The following FLRT2 variants were observed in gnomAD, a reference collection of about 807,000 sequenced individuals.
FLRT2 encodes the protein fibronectin leucine rich transmembrane protein 2, also known as leucine-rich repeat transmembrane protein FLRT2.
In FLRT2, 15 loss-of-function variants were observed where a neutral mutation model predicts 40.0. The observed-to-expected ratio is 0.38, with a 90% CI of 0.25 to 0.58. FLRT2 has a LOEUF of 0.58. Among genes scored for constraint, FLRT2 ranks in the 20% least tolerant of loss-of-function variants. The pLI is 0.71. For synonymous variants in FLRT2, 380 were observed against 336.8 expected, an observed-to-expected ratio of 1.13 and a Z score of -1.41; for missense variants, 726 against 840.0, an observed-to-expected ratio of 0.86 and a Z score of 1.68.
At chr14:85,560,014 C>T (rs1890208106) in intron 1 of FLRT2, among the ~76,000 whole-genome samples, 1 of 152,166 alleles carries the variant, frequency 6.6e-6, no homozygotes, top group Non-Finnish European at 1.5e-5. Context: ...AGAATTTCAA[C>T]AAATCTGTTA....
At chr14:85,531,218 A>T (rs916862217) in intron 1 of FLRT2, 1 of 152,452 alleles carries the variant, frequency 6.6e-6, no homozygotes, top group African/African-American at 2.4e-5. Flanking sequence ...CGGAATCCGG[A>T]TCGAGTGAGT....
At chr14:85,610,238 T>C (rs781734611) in intron 1 of FLRT2, among the ~76,000 whole-genome samples, 6 of 151,666 alleles carry the variant, frequency 4.0e-5, no homozygotes, top group East Asian at 3.9e-4. Context: ...AAAAAAAAAG[T>C]GTGGGGATGT....
chr14:85,598,930 T>TC (rs1179655747), intron 1 of FLRT2, among the ~76,000 whole-genome samples: 3 of 149,904 alleles, frequency 2.0e-5, no homozygotes, highest in African/African-American at 7.3e-5. Flanking sequence ...TTTTTTTTTT[T>TC]TTTTTGAGAC....
At chr14:85,578,953 C>T (rs751392598) in intron 1 of FLRT2, among the ~76,000 whole-genome samples, 1 of 152,340 alleles carries the variant, frequency 6.6e-6, no homozygotes, top group South Asian at 2.1e-4. Flanking sequence ...AAACACATCT[C>T]TCCCAGTTGG....
rs142772729 is a variant in FLRT2 at position 85,621,713 on chromosome 14, G to C, written c.199G>C (p.Val67Leu). ...VPLGIPEGVTVLYLHNNQINN... is the reference protein window; with the variant it reads ...VPLGIPEGVTLLYLHNNQINN... ...TCTTGGGATCCCGGAGGGCGTAACT[G>C]TACTCTACCTCCACAACAACCAAAT... Residue 67 changes from valine (V) to leucine (L), a missense_variant, in exon 2 of 2, where the codon GTA becomes CTA. Coordinates refer to ENST00000330753, the MANE Select transcript of FLRT2 (RefSeq NM_013231.6). 1.2e-6 allele frequency: 2 copies of C among 1,613,948 alleles called. No homozygotes were observed. Among genetic ancestry groups the C allele is most frequent in the Non-Finnish European group, 1.7e-6 (2 of 1,180,020 alleles).
Position 85,637,721 on chromosome 14 carries a change from C to T in FLRT2, c.*14224C>T, listed in dbSNP as rs1894043678. ...ATTCCTGCCATATTCCTTGGGTAGG[C>T]TCATCTATCACTTGTCTTAAAGGAA... On this transcript the variant is annotated 3_prime_UTR_variant, in exon 2 of 2. Coordinates refer to ENST00000330753, the MANE Select transcript of FLRT2 (RefSeq NM_013231.6). The T allele has an allele frequency of 6.6e-6, 1 of 152,156 alleles. No individual in the cohort carries two copies. Among genetic ancestry groups the T allele is most frequent in the Admixed American group, 6.5e-5 (1 of 15,280 alleles). 9.4% of individuals were successfully genotyped at this position (152,156 alleles called of 1,614,324 possible).
chr14:85,599,522 A>C (rs1892291215), intron 1 of FLRT2, among the ~76,000 whole-genome samples: 2 of 152,208 alleles, frequency 1.3e-5, no homozygotes, highest in African/African-American at 4.8e-5. Context: ...CAGAATATTC[A>C]GGCATTGAAC....
chr14:85,545,182 C>A (rs1219373916), intron 1 of FLRT2, among the ~76,000 whole-genome samples: 1 of 152,312 alleles, frequency 6.6e-6, no homozygotes, highest in South Asian at 2.1e-4. Flanking sequence ...GCAGGGCCAA[C>A]TTCTTATCCA....
intron 1 of FLRT2, among the ~76,000 whole-genome samples, chr14:85,558,199 G>C (rs1890094297): frequency 6.6e-6 from 1 of 152,008 alleles, no homozygotes; most frequent in Admixed American, 6.6e-5. Context: ...TTTTCATTTG[G>C]GTTTATGCCC....
rs1893842989 is a variant in FLRT2, at chr14:85,630,580, ATCTT to A, written c.*7088_*7091del. ...GAGAGTTAAATTTTGCTCATCAAAA[ATCTT>A]TCTTGGAAGCTGCTGGTTTTTAACC... On this transcript the variant is annotated 3_prime_UTR_variant, in exon 2 of 2. Transcript: ENST00000330753. The A allele has an allele frequency of 6.6e-6, 1 of 152,132 alleles. No homozygotes were observed. Among genetic ancestry groups the A allele is most frequent in the African/African-American group, 2.4e-5 (1 of 41,434 alleles). 9.4% of individuals were successfully genotyped at this position (152,132 alleles called of 1,614,324 possible).
intron 1 of FLRT2, among the ~76,000 whole-genome samples, chr14:85,545,958 G>A (rs1889256595): frequency 6.6e-6 from 1 of 152,320 alleles, no homozygotes; most frequent in Non-Finnish European, 1.5e-5. Flanking sequence ...AGAATTGACT[G>A]TGTTATTAAT....
chr14:85,598,817 A>G (rs1892251531), intron 1 of FLRT2, among the ~76,000 whole-genome samples: 1 of 152,104 alleles, frequency 6.6e-6, no homozygotes, highest in Non-Finnish European at 1.5e-5. Flanking sequence ...TCCTATTCAG[A>G]CAGCCTCTCT....
At chr14:85,595,779 G>A (rs1418204013) in intron 1 of FLRT2, among the ~76,000 whole-genome samples, 1 of 152,162 alleles carries the variant, frequency 6.6e-6, no homozygotes, top group East Asian at 1.9e-4. Flanking sequence ...TATTTCTATA[G>A]GGGAATAAGT....
At chr14:85,536,594 C>T (rs1317294881) in intron 1 of FLRT2, among the ~76,000 whole-genome samples, 4 of 150,782 alleles carry the variant, frequency 2.7e-5, no homozygotes, top group Non-Finnish European at 5.9e-5. Context: ...GATTCAAATT[C>T]AGTCCATTAG....
At chr14:85,546,806 C>T (rs1889305471) in intron 1 of FLRT2, among the ~76,000 whole-genome samples, 1 of 152,172 alleles carries the variant, frequency 6.6e-6, no homozygotes, top group Non-Finnish European at 1.5e-5. Flanking sequence ...CTTGGGTTTT[C>T]CACTGGACTT....
chr14:85,605,142 C>A (rs1595076879), intron 1 of FLRT2, among the ~76,000 whole-genome samples: 1 of 152,134 alleles, frequency 6.6e-6, no homozygotes, highest in East Asian at 1.9e-4. Context: ...TGATTAAAAC[C>A]TACATTTCCC....
At chr14:85,537,597 A>AAC (rs146056490) in intron 1 of FLRT2, among the ~76,000 whole-genome samples, 1,575 of 150,024 alleles carry the variant, frequency 0.01, 26 homozygotes, top group African/African-American at 0.031. Context: ...TTTATAGTAA[A>AAC]ACACACACAC....
chr14:85,621,524 C>A lies in FLRT2; in HGVS notation c.10C>A (p.Gln4Lys). 6.2e-7 allele frequency: 1 copy of A among 1,608,326 alleles called. No individual in the cohort carries two copies. Among genetic ancestry groups the A allele is most frequent in the African/African-American group, 1.3e-5 (1 of 74,600 alleles). ...TTTCCGTACTTCAGAAATGGGCCTA[C>A]AGACCACAAAGTGGCCCAGCCATGG... MGL[Q>K]TTKWPSHGAF... is the part of the protein sequence containing the mutation. The change falls in exon 2 of 2, where the codon CAG (glutamine) becomes AAG (lysine). Residue 4 changes from glutamine (Q) to lysine (K), a missense_variant. Physicochemically the swap from Gln to Lys is moderately conservative, Grantham distance 53 (BLOSUM62 1). Around this residue, in one of 3 missense-constraint regions of FLRT2, gnomAD observed 106 missense variants for 121.2 expected, o/e 0.87. Transcript: ENST00000330753.
intron 1 of FLRT2, among the ~76,000 whole-genome samples, chr14:85,600,983 A>G (rs982319279): frequency 1.3e-5 from 2 of 152,158 alleles, no homozygotes; most frequent in African/African-American, 4.8e-5. Context: ...CTTTCATTTC[A>G]TATTGTGTAA....
Sources: gnomAD v4.1 joint callset for allele counts (sites outside exome capture counted in the v4.1 genomes callset) on GRCh38, gnomAD v4.1.1 for gene constraint, gnomAD v4.1.1 regional missense constraint, MANE v1.5 for transcripts, NCBI Gene and HGNC (gene_info 2026-07-23, HGNC 2026-07-21) for gene names.